FAM89A: variants seen among roughly 807,000 people sequenced by gnomAD.
The protein encoded by FAM89A is family with sequence similarity 89 member A.
FAM89A carries 10 observed loss-of-function variants against 7.1 expected under a neutral mutation model. The ratio of observed to expected loss-of-function variants is 1.40; its 90% CI spans 0.86 to 2.38. The LOEUF is 2.38. Ranked by LOEUF, FAM89A falls within the 30% of genes most tolerant of loss-of-function variation. The pLI, the probability that FAM89A is intolerant of heterozygous loss-of-function variation, is 0.00. For synonymous variants in FAM89A, 157 were observed against 129.3 expected (o/e 1.21, Z -1.45); for missense variants, 276 against 262.8 (o/e 1.05, Z -0.35).
rs983806690 is a variant in FAM89A, at chr1:231,038,524, G to A, written c.291+1397C>T. On this transcript the variant is annotated intron_variant, in intron 1 of 1. Coordinates refer to ENST00000366654, the MANE Select transcript of FAM89A (RefSeq NM_198552.3). The stretch of plus-strand genomic sequence containing the variant: ...CAAGTTCAGACTGTAAACACACTAC[G>A]TGTAGATTTATCTAATTAAAATGCA... 4.6e-5 allele frequency among the ~76,000 whole-genome samples: 7 copies of A among 152,204 alleles called. No homozygotes were observed. In the South Asian group the frequency reaches 1.4e-3, roughly 31 times the overall value.
intron 1 of FAM89A, among the ~76,000 whole-genome samples, chr1:231,031,079 C>A (rs570036213): frequency 1.9e-4 from 29 of 151,966 alleles, no homozygotes; most frequent in Non-Finnish European, 3.4e-4. Flanking sequence ...CATTGCACTC[C>A]AGCCTGGGCA....
intron 1 of FAM89A, among the ~76,000 whole-genome samples, chr1:231,022,952 C>T (rs920246547): frequency 9.2e-5 from 14 of 152,086 alleles, no homozygotes; most frequent in Admixed American, 8.5e-4. Context: ...GCGTCCTTCA[C>T]CTGGCACAGG....
chr1:231,036,191 C>G (rs759977554), intron 1 of FAM89A, among the ~76,000 whole-genome samples: 1 of 152,172 alleles, frequency 6.6e-6, no homozygotes, highest in Non-Finnish European at 1.5e-5. Context: ...AAAGCTAGTT[C>G]AAACTAAGTT....
chr1:231,032,874 T>C, intron 1 of FAM89A, among the ~76,000 whole-genome samples: 1 of 152,102 alleles, frequency 6.6e-6, no homozygotes, highest in African/African-American at 2.4e-5. Flanking sequence ...CCCAGATCCC[T>C]CCACTGGTCA....
chr1:231,039,468 C>A (rs372145750), intron 1 of FAM89A, among the ~76,000 whole-genome samples: 2 of 152,298 alleles, frequency 1.3e-5, no homozygotes, highest in African/African-American at 4.8e-5. Flanking sequence ...AATCTGCTGT[C>A]TACACTGGCG....
At chr1:231,031,378 C>T (rs1680065856) in intron 1 of FAM89A, among the ~76,000 whole-genome samples, 1 of 152,130 alleles carries the variant, frequency 6.6e-6, no homozygotes, top group South Asian at 2.1e-4. Context: ...GAATTTGGAA[C>T]TATACCAATG....
chr1:231,038,152 G>C (rs1286654308), intron 1 of FAM89A, among the ~76,000 whole-genome samples: 1 of 152,186 alleles, frequency 6.6e-6, no homozygotes, highest in African/African-American at 2.4e-5. Context: ...AAAGGAACTT[G>C]TCAAAACCTG....
intron 1 of FAM89A, among the ~76,000 whole-genome samples, chr1:231,037,045 T>C (rs1023844923): frequency 8.5e-5 from 13 of 152,178 alleles, no homozygotes; most frequent in African/African-American, 2.7e-4. Context: ...CCAAAATATA[T>C]GTGATCAATG....
At chr1:231,038,523 C>T (rs1489963171) in intron 1 of FAM89A, among the ~76,000 whole-genome samples, 1 of 152,218 alleles carries the variant, frequency 6.6e-6, no homozygotes, top group African/African-American at 2.4e-5. Context: ...AAACACACTA[C>T]GTGTAGATTT....
intron 1 of FAM89A, among the ~76,000 whole-genome samples, chr1:231,027,756 C>T (rs957522299): frequency 1.2e-4 from 18 of 152,230 alleles, no homozygotes; most frequent in South Asian, 8.3e-4. Context: ...TGCACAGCCC[C>T]GACTGTCCCC....
intron 1 of FAM89A, among the ~76,000 whole-genome samples, chr1:231,025,342 G>A (rs35652435): frequency 0.31 from 46,825 of 151,984 alleles, 7,443 homozygotes; most frequent in Admixed American, 0.39. Context: ...TTGAGGTCCC[G>A]ACCCTCTGCC....
chr1:231,039,895 G>GC (rs1680229119), intron 1 of FAM89A, 26 bp downstream of exon 1: 1 of 1,290,802 alleles, frequency 7.7e-7, no homozygotes, highest in Non-Finnish European at 9.8e-7. Flanking sequence ...GCCGGGAAGA[G>GC]CCCCAGCTCG....
intron 1 of FAM89A, among the ~76,000 whole-genome samples, chr1:231,034,721 G>A (rs1017594135): frequency 1.4e-4 from 21 of 145,040 alleles, no homozygotes; most frequent in Non-Finnish European, 1.9e-4. Context: ...GTAGTGAGCC[G>A]AGATCGCGCC....
intron 1 of FAM89A, among the ~76,000 whole-genome samples, chr1:231,025,143 T>C (rs866977403): frequency 2.6e-5 from 4 of 151,324 alleles, no homozygotes; most frequent in East Asian, 2.0e-4. Context: ...AGGATGGTCT[T>C]GATCTTCTGA....
chr1:231,033,853 G>A (rs540087150), intron 1 of FAM89A, among the ~76,000 whole-genome samples: 1 of 152,164 alleles, frequency 6.6e-6, no homozygotes, highest in South Asian at 2.1e-4. Flanking sequence ...ACCTCACTTG[G>A]AGATAGCATC....
chr1:231,032,891 G>T (rs1288553095), intron 1 of FAM89A, among the ~76,000 whole-genome samples: 3 of 152,162 alleles, frequency 2.0e-5, no homozygotes, highest in Non-Finnish European at 4.4e-5. Context: ...GTCAAAGATG[G>T]TGCCTCCCTC....
chr1:231,022,568 T>C (rs868163409), intron 1 of FAM89A, among the ~76,000 whole-genome samples: 3 of 152,176 alleles, frequency 2.0e-5, no homozygotes, highest in South Asian at 4.1e-4. Flanking sequence ...CCAATCTGCC[T>C]GCCACACATT....
chr1:231,040,036 C>A lies in FAM89A; in HGVS notation c.176G>T (p.Arg59Leu), dbSNP rs1284151745. ...CCCGCGGCTCAGCTCGTCCTGGATG[C>A]GCGACTTCTGCGCGTACAGCCGCTC... ...HLERLYAQKS[R>L]IQDELSRGGP... is the part of the protein sequence containing the mutation. Residue 59 changes from arginine to leucine, a missense_variant, in exon 1 of 2, where the codon CGC becomes CTC. By Grantham distance (102) the Arg-to-Leu change is moderately radical (BLOSUM62 -2). Coordinates refer to ENST00000366654, the MANE Select transcript of FAM89A (RefSeq NM_198552.3). The A allele has an allele frequency of 9.7e-6, 14 of 1,444,446 alleles. No individual in the cohort carries two copies. Among genetic ancestry groups the A allele is most frequent in the Middle Eastern group, 2.5e-4 (1 of 4,080 alleles). The allele number at this position is 1,444,446 out of a possible 1,614,324, so 89.5% of individuals were successfully genotyped here. A position where few individuals can be genotyped will look rare whatever the true frequency, so the allele number is the denominator to read the frequency against.
At position 231,019,681 on chromosome 1, in the gene FAM89A, A is replaced by G. The variant is rs552984198; in HGVS notation, c.*182T>C. The G allele has an allele frequency of 1.7e-4, 114 of 657,630 alleles. No homozygotes were observed. Among genetic ancestry groups the G allele is most frequent in the Admixed American group, 4.5e-4 (15 of 33,444 alleles). The allele number at this position is 657,630 out of a possible 1,614,324, so 40.7% of individuals were successfully genotyped here. A position where few individuals can be genotyped will look rare whatever the true frequency, so the allele number is the denominator to read the frequency against. ...ACCTAAGCAGAAACTGCTGCCATCA[A>G]AGCAGACTGCCACCATGCATCCGCG... On this transcript the variant is annotated 3_prime_UTR_variant, in exon 2 of 2. Coordinates refer to ENST00000366654, the MANE Select transcript of FAM89A (RefSeq NM_198552.3).
Sources: gnomAD v4.1 joint callset for allele counts (sites outside exome capture counted in the v4.1 genomes callset) on GRCh38, gnomAD v4.1.1 for gene constraint, MANE v1.5 for transcripts, NCBI Gene and HGNC (gene_info 2026-07-23, HGNC 2026-07-21) for gene names.